FHIP1A: variants seen among roughly 807,000 people sequenced by gnomAD.
FHIP1A encodes the protein FHF complex subunit HOOK-interacting protein 1A.
In FHIP1A, 61 loss-of-function variants were observed where a neutral mutation model predicts 88.6. That is an observed-to-expected ratio of 0.69 (90% confidence interval 0.56 to 0.85). The LOEUF (loss-of-function observed/expected upper bound fraction) is 0.85, where lower values mean the gene tolerates loss of function less well. FHIP1A is among the 40% of genes least tolerant of loss of function. The pLI is 0.00. For missense variants in FHIP1A, 1,154 were observed against 1,273.5 expected, an observed-to-expected ratio of 0.91 and a Z score of 1.43; for synonymous variants, 478 against 496.0, an observed-to-expected ratio of 0.96 and a Z score of 0.48.
Position 151,663,828 on chromosome 4 carries a change from T to C in FHIP1A, c.*1074T>C, listed in dbSNP as rs148367209. ...TGGATGTAAATGCAAACAGGTCACC[T>C]GGAGCCCTGCAAAGCCAAGTGCCTG... On this transcript the variant is annotated 3_prime_UTR_variant, in exon 14 of 14. Transcript: ENST00000435205. Among the ~76,000 whole-genome samples, 7 of 152,312 alleles carry C rather than the reference T, an allele frequency of 4.6e-5. No homozygotes were observed. Among genetic ancestry groups the C allele is most frequent in the African/African-American group, 1.7e-4 (7 of 41,564 alleles).
At chr4:151,544,258 A>G (rs1578732997) in intron 3 of FHIP1A, among the ~76,000 whole-genome samples, 1 of 152,276 alleles carries the variant, frequency 6.6e-6, no homozygotes, top group African/African-American at 2.4e-5. Flanking sequence ...AATAAGTATT[A>G]TGTTTCTTGT....
chr4:151,501,064 A>G (rs1730633858), intron 3 of FHIP1A, among the ~76,000 whole-genome samples: 1 of 152,230 alleles, frequency 6.6e-6, no homozygotes, highest in Admixed American at 6.5e-5. Context: ...GGGCATAGAT[A>G]ACAAAATACT....
chr4:151,472,970 A>G (rs1729578371), intron 2 of FHIP1A, among the ~76,000 whole-genome samples: 3 of 152,086 alleles, frequency 2.0e-5, no homozygotes, highest in Admixed American at 2.0e-4. Flanking sequence ...ATATTCACAT[A>G]TTTGTTTTTA....
chr4:151,459,587 T>A (rs1729080426), intron 2 of FHIP1A, among the ~76,000 whole-genome samples: 2 of 152,240 alleles, frequency 1.3e-5, no homozygotes, highest in Admixed American at 6.5e-5. Flanking sequence ...TTTAAGAATT[T>A]GGCCAGATCT....
Position 151,409,670 on chromosome 4 carries a change from G to C in FHIP1A, c.-356+205G>C, listed in dbSNP as rs116191150. Among the ~76,000 whole-genome samples, 1,412 of 152,216 alleles carry C rather than the reference G, an allele frequency of 9.3e-3. 18 individuals carry two copies. The highest frequency in any genetic ancestry group is 0.032 in the African/African-American group (1,311 of 41,534). Reference sequence around the variant, plus strand: ...GTCGCTGCGTCGGGCGGGGGCGCAGGGGGGAGGAGGTGACTTCTAGGGTTT... The same window carrying C: ...GTCGCTGCGTCGGGCGGGGGCGCAGCGGGGAGGAGGTGACTTCTAGGGTTT... On this transcript the variant is annotated intron_variant, in intron 1 of 13. Coordinates refer to ENST00000435205, the MANE Select transcript of FHIP1A (RefSeq NM_001109977.3).
intron 3 of FHIP1A, among the ~76,000 whole-genome samples, chr4:151,528,932 A>G (rs1258939104): frequency 6.6e-6 from 1 of 152,018 alleles, no homozygotes; most frequent in Non-Finnish European, 1.5e-5. Flanking sequence ...GTTATCCTAT[A>G]CTTATTGTAA....
At position 151,628,320 on chromosome 4, in the gene FHIP1A, A is replaced by G. The variant is rs1195648146; in HGVS notation, c.979-1382A>G. ...ACACTGACTTGGTAATATCTTATCCACCTGGGCTCATCTATCCAGAAGAAA... is the reference window on the plus strand; with the variant it reads ...ACACTGACTTGGTAATATCTTATCCGCCTGGGCTCATCTATCCAGAAGAAA... On this transcript the variant is annotated intron_variant, in intron 7 of 13. Coordinates refer to ENST00000435205, the MANE Select transcript of FHIP1A (RefSeq NM_001109977.3). 3.9e-5 allele frequency among the ~76,000 whole-genome samples: 6 copies of G among 152,208 alleles called. No homozygotes were observed. In the East Asian group the frequency reaches 1.2e-3, roughly 29 times the overall value.
Position 151,414,037 on chromosome 4 carries a change from A to G in FHIP1A, c.-356+4572A>G, listed in dbSNP as rs538465333. Among the ~76,000 whole-genome samples the G allele has an allele frequency of 1.6e-3, 215 of 132,320 alleles. 1 individual carries two copies. The highest frequency in any genetic ancestry group is 0.015 in the Middle Eastern group (4 of 268). The allele number at this position is 132,320 out of a possible 152,430, so 86.8% of individuals were successfully genotyped here. ...TTTCTAGGCAGTTCTTTTGCCTTCT[A>G]TCTAGTTAGTGTTTGTTTGTTTTTT... On this transcript the variant is annotated intron_variant, in intron 1 of 13. Coordinates refer to ENST00000435205, the MANE Select transcript of FHIP1A (RefSeq NM_001109977.3).
chr4:151,577,398 T>C, intron 4 of FHIP1A, 52 bp from the exon 5 acceptor site: 1 of 1,463,928 alleles, frequency 6.8e-7, no homozygotes, highest in Non-Finnish European at 9.1e-7. Context: ...TGATATGTTT[T>C]TGTAATTATG....
At chr4:151,470,786 T>G (rs1729480567) in intron 2 of FHIP1A, among the ~76,000 whole-genome samples, 1 of 152,170 alleles carries the variant, frequency 6.6e-6, no homozygotes, top group African/African-American at 2.4e-5. Context: ...GTCATTGATG[T>G]CAGTATTATG....
intron 7 of FHIP1A, among the ~76,000 whole-genome samples, chr4:151,613,806 A>G (rs556736223): frequency 6.6e-6 from 1 of 152,266 alleles, no homozygotes; most frequent in East Asian, 1.9e-4. Flanking sequence ...ATTTTTAACT[A>G]ACTCCCCAGG....
At chr4:151,548,952 A>C (rs1315852766) in intron 3 of FHIP1A, among the ~76,000 whole-genome samples, 1 of 152,236 alleles carries the variant, frequency 6.6e-6, no homozygotes, top group Non-Finnish European at 1.5e-5. Flanking sequence ...TGGTGAGAGC[A>C]CACCTGGACA....
rs531175014 is a variant in FHIP1A, at chr4:151,617,134, G to A, written c.979-12568G>A. Among the ~76,000 whole-genome samples the A allele has an allele frequency of 3.0e-4, 46 of 152,244 alleles. 1 individual carries two copies. The highest frequency in any genetic ancestry group is 1.0e-3 in the African/African-American group (43 of 41,544). Reference sequence around the variant, plus strand: ...AATCCCAAGCTCAACAAAATGACAAGTTACTCCTCCTTTCCTGGAGAAGAA... The same window carrying A: ...AATCCCAAGCTCAACAAAATGACAAATTACTCCTCCTTTCCTGGAGAAGAA... On this transcript the variant is annotated intron_variant, in intron 7 of 13. Coordinates refer to ENST00000435205, the MANE Select transcript of FHIP1A (RefSeq NM_001109977.3).
chr4:151,582,566 C>G (rs1329906802), intron 5 of FHIP1A, among the ~76,000 whole-genome samples: 1 of 152,194 alleles, frequency 6.6e-6, no homozygotes, highest in Non-Finnish European at 1.5e-5. Context: ...TTGGTCTCAG[C>G]AACTGCCACA....
chr4:151,493,611 A>G (rs1218508111), intron 3 of FHIP1A, among the ~76,000 whole-genome samples: 1 of 152,208 alleles, frequency 6.6e-6, no homozygotes, highest in Non-Finnish European at 1.5e-5. Flanking sequence ...AGCATATCAA[A>G]AAGATAACGT....
chr4:151,660,039 G>T (rs190801009), intron 13 of FHIP1A, among the ~76,000 whole-genome samples: 1 of 152,306 alleles, frequency 6.6e-6, no homozygotes, highest in East Asian at 1.9e-4. Flanking sequence ...GGGAGATCAG[G>T]TAGGTAATGG....
chr4:151,536,593 C>G (rs1329501644), intron 3 of FHIP1A, among the ~76,000 whole-genome samples: 1 of 152,180 alleles, frequency 6.6e-6, no homozygotes, highest in African/African-American at 2.4e-5. Context: ...TTTCGCTCAG[C>G]ATAATTCCCT....
At chr4:151,422,410 A>T (rs2126523582) in intron 1 of FHIP1A, among the ~76,000 whole-genome samples, 2 of 151,116 alleles carry the variant, frequency 1.3e-5, no homozygotes, top group South Asian at 4.2e-4. Context: ...AATGAGAGAG[A>T]GAGTCTTGCT....
chr4:151,650,982 A>G (rs1267013981), intron 11 of FHIP1A, among the ~76,000 whole-genome samples: 1 of 152,108 alleles, frequency 6.6e-6, no homozygotes, highest in African/African-American at 2.4e-5. Context: ...CTCCCCCAGT[A>G]GAATGTATGC....
Sources: allele counts gnomAD v4.1 joint callset (sites outside exome capture counted in the v4.1 genomes callset), GRCh38; gene constraint gnomAD v4.1.1; transcripts MANE v1.5; gene names NCBI Gene and HGNC (gene_info 2026-07-23, HGNC 2026-07-21).